ADAMTSL3: variants seen among roughly 807,000 people sequenced by gnomAD.
ADAMTSL3 encodes the protein ADAMTS like 3, also known as ADAMTS-like protein 3.
A neutral mutation model predicts 201.7 loss-of-function variants in ADAMTSL3; 128 were observed. The ratio of observed to expected loss-of-function variants is 0.63; its 90% CI spans 0.55 to 0.73. The LOEUF is 0.73. ADAMTSL3 is among the 30% of genes least tolerant of loss of function. The pLI is 0.00. For synonymous variants in ADAMTSL3, 738 were observed against 748.4 expected (o/e 0.99, Z 0.23); for missense variants, 1,990 against 2,119.6 (o/e 0.94, Z 1.20).
chr15:83,703,462 T>C (rs2061803333), intron 2 of ADAMTSL3, among the ~76,000 whole-genome samples: 1 of 152,114 alleles, frequency 6.6e-6, no homozygotes, highest in Non-Finnish European at 1.5e-5. Context: ...ATAATTCCCA[T>C]GTGTTGTGGG....
At chr15:83,662,317 G>C (rs554404333) in intron 2 of ADAMTSL3, among the ~76,000 whole-genome samples, 1 of 140,498 alleles carries the variant, frequency 7.1e-6, no homozygotes, top group Non-Finnish European at 1.5e-5. Flanking sequence ...GTAAACTATC[G>C]CAAGAACAAA....
At chr15:83,779,661 G>A (rs2063134997) in intron 4 of ADAMTSL3, among the ~76,000 whole-genome samples, 1 of 131,290 alleles carries the variant, frequency 7.6e-6, no homozygotes, top group Non-Finnish European at 1.5e-5. Context: ...TCGCAACACT[G>A]CACTCCAGCC....
At chr15:84,004,118 T>A (rs778184290) in intron 23 of ADAMTSL3, among the ~76,000 whole-genome samples, 8 of 152,216 alleles carry the variant, frequency 5.3e-5, no homozygotes, top group Non-Finnish European at 7.3e-5. Flanking sequence ...TATATAACCC[T>A]GTTTTTTTTC....
rs576820237 is a variant in ADAMTSL3 at position 83,880,846 on chromosome 15, A to T, written c.961-4255A>T. 2.6e-5 allele frequency among the ~76,000 whole-genome samples: 4 copies of T among 152,306 alleles called. No individual in the cohort carries two copies. The South Asian group carries it at 8.3e-4, about 32-fold the overall frequency. Reference sequence around the variant, plus strand: ...GCAGGAGGTGGTAATGGTGTACTTAAGTTTTTATATTTTCATCAGTTAATA... The same window carrying T: ...GCAGGAGGTGGTAATGGTGTACTTATGTTTTTATATTTTCATCAGTTAATA... On this transcript the variant is annotated intron_variant, in intron 9 of 29. Coordinates refer to ENST00000286744, the MANE Select transcript of ADAMTSL3 (RefSeq NM_207517.3).
intron 3 of ADAMTSL3, among the ~76,000 whole-genome samples, chr15:83,746,481 AC>A (rs1332146720): frequency 6.6e-6 from 1 of 152,062 alleles, no homozygotes; most frequent in Non-Finnish European, 1.5e-5. Context: ...TGTTTGCTTT[AC>A]CCATGAAAAT....
At chr15:83,734,952 C>T (rs905064327) in intron 3 of ADAMTSL3, among the ~76,000 whole-genome samples, 1 of 152,034 alleles carries the variant, frequency 6.6e-6, no homozygotes, top group Non-Finnish European at 1.5e-5. Context: ...AGTAGGGAAC[C>T]CGAACCTCCA....
intron 7 of ADAMTSL3, among the ~76,000 whole-genome samples, chr15:83,840,561 C>T (rs1016087843): frequency 2.4e-4 from 37 of 152,136 alleles, no homozygotes; most frequent in African/African-American, 8.4e-4. Flanking sequence ...TTTGACTCTT[C>T]ATTAGGAGAT....
chr15:83,666,181 A>T (rs2061245950), intron 2 of ADAMTSL3, among the ~76,000 whole-genome samples: 1 of 152,210 alleles, frequency 6.6e-6, no homozygotes, highest in South Asian at 2.1e-4. Context: ...ATTTAATATT[A>T]TGAGGAGTAT....
chr15:83,980,556 A>T (rs1483492743), intron 20 of ADAMTSL3, among the ~76,000 whole-genome samples: 1 of 152,042 alleles, frequency 6.6e-6, no homozygotes, highest in Non-Finnish European at 1.5e-5. Context: ...CTTTGTAGAT[A>T]CTCTGTCTCC....
chr15:83,777,713 C>T (rs1178354273), intron 4 of ADAMTSL3, among the ~76,000 whole-genome samples: 1 of 152,200 alleles, frequency 6.6e-6, no homozygotes, highest in African/African-American at 2.4e-5. Context: ...AGCCAGAGCA[C>T]CTTCTTTCCA....
intron 6 of ADAMTSL3, among the ~76,000 whole-genome samples, chr15:83,826,235 A>G (rs2064018953): frequency 6.6e-6 from 1 of 151,904 alleles, no homozygotes; most frequent in Non-Finnish European, 1.5e-5. Context: ...TCTGCACTCC[A>G]CCCCTAAGTA....
chr15:83,854,571 T>C (rs377281505), intron 7 of ADAMTSL3, among the ~76,000 whole-genome samples: 3 of 152,210 alleles, frequency 2.0e-5, no homozygotes, highest in African/African-American at 7.2e-5. Flanking sequence ...CTGTAAGAAA[T>C]CTGCAGAGTG....
intron 6 of ADAMTSL3, among the ~76,000 whole-genome samples, chr15:83,832,136 A>T (rs911453735): frequency 1.6e-4 from 24 of 152,174 alleles, no homozygotes; most frequent in Non-Finnish European, 1.5e-5. Flanking sequence ...ATATTGTTTG[A>T]TGGCCTCAAT....
intron 15 of ADAMTSL3, among the ~76,000 whole-genome samples, chr15:83,903,231 G>A (rs978971164): frequency 2.2e-5 from 3 of 138,298 alleles, no homozygotes; most frequent in South Asian, 2.4e-4. Context: ...TTTTTCTTTC[G>A]GCTGCCAGAT....
intron 10 of ADAMTSL3, among the ~76,000 whole-genome samples, chr15:83,888,890 C>T (rs577257023): frequency 1.8e-4 from 28 of 152,282 alleles, no homozygotes; most frequent in Non-Finnish European, 3.5e-4. Flanking sequence ...AGATTCCTCT[C>T]GACAATCAGG....
At chr15:83,997,893 A>G (rs925251840) in intron 23 of ADAMTSL3, among the ~76,000 whole-genome samples, 2 of 152,180 alleles carry the variant, frequency 1.3e-5, no homozygotes, top group Non-Finnish European at 1.5e-5. Flanking sequence ...ATCTTGGACC[A>G]TTGGTCCTTT....
chr15:84,027,147 C>T (rs1350661717), intron 27 of ADAMTSL3, among the ~76,000 whole-genome samples: 1 of 152,120 alleles, frequency 6.6e-6, no homozygotes, highest in Non-Finnish European at 1.5e-5. Flanking sequence ...TTCCATTAGT[C>T]ATTAAAAAAT....
At chr15:83,921,820 G>A (rs2066150343) in intron 16 of ADAMTSL3, among the ~76,000 whole-genome samples, 1 of 151,236 alleles carries the variant, frequency 6.6e-6, no homozygotes, top group African/African-American at 2.4e-5. Flanking sequence ...GAGTAGCTGG[G>A]ACTATAGGCA....
chr15:83,965,992 A>G (rs2067075899), intron 19 of ADAMTSL3, among the ~76,000 whole-genome samples: 1 of 152,234 alleles, frequency 6.6e-6, no homozygotes, highest in Admixed American at 6.5e-5. Context: ...CAATAAGAAC[A>G]AAGACACAAT....
Sources: allele counts gnomAD v4.1 joint callset (sites outside exome capture counted in the v4.1 genomes callset), GRCh38; gene constraint gnomAD v4.1.1; transcripts MANE v1.5; gene names NCBI Gene and HGNC (gene_info 2026-07-23, HGNC 2026-07-21).